The following EML6 variants were observed in gnomAD, a reference collection of about 807,000 sequenced individuals.
EML6 encodes EMAP like 6, also known as echinoderm microtubule-associated protein-like 6.
A neutral mutation model predicts 240.1 loss-of-function variants in EML6; 154 were observed. That is an observed-to-expected ratio of 0.64 (90% confidence interval 0.56 to 0.73). The LOEUF is 0.73. Ranked by LOEUF, EML6 falls within the 30% of genes least tolerant of loss-of-function variation. The probability of loss-of-function intolerance (pLI) is 0.00; values close to 1 mark genes in which losing one functional copy is unlikely to be tolerated. For missense variants in EML6, 2,964 were observed against 2,474.6 expected, an observed-to-expected ratio of 1.20 and a Z score of -4.20; for synonymous variants, 1,148 against 899.0, an observed-to-expected ratio of 1.28 and a Z score of -4.95.
chr2:54,925,768 C>A (rs1325321462), intron 26 of EML6, among the ~76,000 whole-genome samples: 1 of 152,088 alleles, frequency 6.6e-6, no homozygotes, highest in Non-Finnish European at 1.5e-5. Context: ...ACCAGAAAAC[C>A]AAATTCTGTT....
At chr2:54,846,100 C>G (rs896867252) in intron 8 of EML6, among the ~76,000 whole-genome samples, 1 of 152,110 alleles carries the variant, frequency 6.6e-6, no homozygotes, top group East Asian at 1.9e-4. Context: ...GCAATTGCCC[C>G]TCGTTTGCCA....
At chr2:54,857,746 G>C (rs1670463749) in intron 11 of EML6, among the ~76,000 whole-genome samples, 1 of 152,118 alleles carries the variant, frequency 6.6e-6, no homozygotes, top group Non-Finnish European at 1.5e-5. Context: ...TCTAGGGAGA[G>C]AGCACTTCAG....
At chr2:54,905,711 G>A (rs1673293723) in intron 24 of EML6, among the ~76,000 whole-genome samples, 1 of 152,082 alleles carries the variant, frequency 6.6e-6, no homozygotes, top group South Asian at 2.1e-4. Context: ...CCAACACCTG[G>A]CATCTACCAT....
At chr2:54,868,941 A>G (rs1272343992) in intron 14 of EML6, 5 of 444,644 alleles carry the variant, frequency 1.1e-5, no homozygotes, top group African/African-American at 2.0e-5. Flanking sequence ...AGCGCACACA[A>G]CAGCTGAGGA....
chr2:54,968,659 T>C lies in EML6; in HGVS notation c.5752-9T>C. 6.5e-7 allele frequency: 1 copy of C among 1,535,174 alleles called. No individual in the cohort carries two copies. Among genetic ancestry groups the C allele is most frequent in the Non-Finnish European group, 8.8e-7 (1 of 1,131,930 alleles). Reference sequence around the variant, plus strand: ...TCTCTTAGCTGTCTCCATTCACTTTTGCTCACAGGCCAAACATAAGCGATA... The same window carrying C: ...TCTCTTAGCTGTCTCCATTCACTTTCGCTCACAGGCCAAACATAAGCGATA... On this transcript the variant is annotated splice_polypyrimidine_tract_variant and intron_variant, in intron 40 of 41. Transcript: ENST00000356458.
At chr2:54,795,217 A>G (rs916551867) in intron 2 of EML6, among the ~76,000 whole-genome samples, 1 of 152,178 alleles carries the variant, frequency 6.6e-6, no homozygotes, top group Admixed American at 6.5e-5. Context: ...ACACTTCAGC[A>G]TGGGTGGGGA....
In EML6 at chr2:54,774,012, G is replaced by A. The variant is rs539222531; in HGVS notation, c.198-39220G>A. On this transcript the variant is annotated intron_variant, in intron 2 of 41. Transcript: ENST00000356458. The surrounding 1 kb of genome is among the most constrained non-coding windows in gnomAD (Gnocchi z 4.1). Reference sequence around the variant, plus strand: ...TGCTCCCACTCCAGCCTTCATGTCTGCATTCCAGCCAGCAGGAGGAGAAAG... The same window carrying A: ...TGCTCCCACTCCAGCCTTCATGTCTACATTCCAGCCAGCAGGAGGAGAAAG... Among the ~76,000 whole-genome samples the A allele has an allele frequency of 1.3e-4, 20 of 152,288 alleles. No homozygotes were observed. Among genetic ancestry groups the A allele is most frequent in the African/African-American group, 4.6e-4 (19 of 41,560 alleles).
rs185328244 is a variant in EML6, at chr2:54,948,561, C to G, written c.4005-321C>G. Among the ~76,000 whole-genome samples the G allele has an allele frequency of 1.4e-3, 208 of 152,320 alleles. 1 individual carries two copies. Among genetic ancestry groups the G allele is most frequent in the African/African-American group, 4.7e-3 (196 of 41,570 alleles). On this transcript the variant is annotated intron_variant, in intron 28 of 41. Transcript: ENST00000356458. ...GGTCAGGCTTCTCCTTGGTTTTGAA[C>G]CAAGCCCCTCTTGTTTCAAGCCCAC...
intron 5 of EML6, among the ~76,000 whole-genome samples, chr2:54,823,459 T>C (rs891898107): frequency 3.7e-4 from 2 of 5,386 alleles, no homozygotes; most frequent in Non-Finnish European, 8.7e-4. Flanking sequence ...TATTCCATAG[T>C]TTTTTTTAGG....
intron 2 of EML6, among the ~76,000 whole-genome samples, chr2:54,805,414 A>G (rs1471250533): frequency 6.6e-6 from 1 of 152,212 alleles, no homozygotes; most frequent in Non-Finnish European, 1.5e-5. Flanking sequence ...TACATTTCCT[A>G]TTAGCAATAT....
At chr2:54,767,802 G>C (rs1054092020) in intron 2 of EML6, among the ~76,000 whole-genome samples, 3 of 151,930 alleles carry the variant, frequency 2.0e-5, no homozygotes, top group African/African-American at 7.3e-5. Context: ...GTATTTTTTT[G>C]TAGAGATTAA....
At chr2:54,732,077 A>G (rs1242959966) in intron 2 of EML6, among the ~76,000 whole-genome samples, 1 of 152,134 alleles carries the variant, frequency 6.6e-6, no homozygotes, top group Non-Finnish European at 1.5e-5. Flanking sequence ...TGATCTTTTC[A>G]TAAACTTACT....
chr2:54,917,211 C>CCAGT (rs778054983), intron 26 of EML6, among the ~76,000 whole-genome samples: 17 of 152,188 alleles, frequency 1.1e-4, no homozygotes, highest in Non-Finnish European at 2.1e-4. Context: ...ACCTCACAGA[C>CCAGT]CAGTGCCTTT....
At chr2:54,810,139 G>T (rs191946349) in intron 2 of EML6, among the ~76,000 whole-genome samples, 21 of 152,210 alleles carry the variant, frequency 1.4e-4, no homozygotes, top group African/African-American at 4.8e-4. Context: ...GTACCCAAAT[G>T]GCAAAGGAGG....
At chr2:54,808,056 A>G (rs1670590826) in intron 2 of EML6, among the ~76,000 whole-genome samples, 1 of 152,184 alleles carries the variant, frequency 6.6e-6, no homozygotes, top group South Asian at 2.1e-4. Flanking sequence ...TTAACTATGG[A>G]TTATACGGGT....
chr2:54,869,360 C>T lies in EML6; in HGVS notation c.2231C>T (p.Thr744Ile). The T allele has an allele frequency of 6.5e-7, 1 of 1,549,478 alleles. No homozygotes were observed. Among genetic ancestry groups the T allele is most frequent in the Non-Finnish European group, 8.7e-7 (1 of 1,145,412 alleles). ...TIHPVKDYVATGQVGRDAAIH... is the reference protein window; with the variant it reads ...TIHPVKDYVAIGQVGRDAAIH... ...CATCCAGTGAAGGACTATGTGGCTA[C>T]TGGGCAGGTATCTATCTCCTGTAAA... Residue 744 changes from threonine (T) to isoleucine (I), a missense_variant, in exon 15 of 42, where the codon ACT becomes ATT. Thr to Ile is a moderately conservative substitution (Grantham distance 89). Coordinates refer to ENST00000356458, the MANE Select transcript of EML6 (RefSeq NM_001039753.4).
chr2:54,939,285 T>G (rs1178225164), intron 28 of EML6, among the ~76,000 whole-genome samples: 4 of 152,210 alleles, frequency 2.6e-5, no homozygotes, highest in African/African-American at 9.6e-5. Flanking sequence ...TTTAGGCAAT[T>G]CCAAGTAGTG....
At position 54,957,884 on chromosome 2, in the gene EML6, C is replaced by A; in HGVS notation, c.4581C>A (p.Val1527=). The A allele has an allele frequency of 6.4e-7, 1 of 1,551,502 alleles. No individual in the cohort carries two copies. Among genetic ancestry groups the A allele is most frequent in the Non-Finnish European group, 8.7e-7 (1 of 1,146,992 alleles). Reference sequence around the variant, plus strand: ...ACACGCAGTTTGTATCTGTCGGGGTCAAACATATGAAGTTCTGGACCCTGG... The same window carrying A: ...ACACGCAGTTTGTATCTGTCGGGGTAAAACATATGAAGTTCTGGACCCTGG... The part of the protein sequence containing the change: ...DSDTQFVSVG[V]KHMKFWTLAG... Residue 1527 remains valine (V), a synonymous_variant, in exon 33 of 42, where the codon GTC becomes GTA. Transcript: ENST00000356458.
intron 28 of EML6, among the ~76,000 whole-genome samples, chr2:54,936,852 T>C (rs778676791): frequency 6.6e-5 from 10 of 152,220 alleles, no homozygotes; most frequent in South Asian, 2.1e-4. Context: ...GCATAACTTA[T>C]GGCCAAAAGT....
Sources: gnomAD v4.1 joint callset for allele counts (sites outside exome capture counted in the v4.1 genomes callset) on GRCh38, gnomAD v4.1.1 for gene constraint, Gnocchi (gnomAD v3.1) non-coding constraint, MANE v1.5 for transcripts, NCBI Gene and HGNC (gene_info 2026-07-23, HGNC 2026-07-21) for gene names.